EEPD1: variants seen among roughly 807,000 people sequenced by gnomAD.
The protein encoded by EEPD1 is endonuclease/exonuclease/phosphatase family domain containing 1.
EEPD1 carries 17 observed loss-of-function variants against 46.3 expected under a neutral mutation model. The ratio of observed to expected loss-of-function variants is 0.37; its 90% confidence interval spans 0.25 to 0.55. The LOEUF (loss-of-function observed/expected upper bound fraction) is 0.55. Among genes scored for constraint, EEPD1 ranks in the 20% least tolerant of loss-of-function variants. The pLI, the probability that EEPD1 is intolerant of heterozygous loss-of-function variation, is 0.83. For missense variants in EEPD1, 673 were observed against 745.6 expected (o/e 0.90, Z 1.13); for synonymous variants, 313 against 315.6 (o/e 0.99, Z 0.09).
intron 2 of EEPD1, among the ~76,000 whole-genome samples, chr7:36,164,805 T>C (rs1215570076): frequency 6.6e-6 from 1 of 152,204 alleles, no homozygotes; most frequent in African/African-American, 2.4e-5. Flanking sequence ...CCTGATCCCA[T>C]GTAAGCCTAG....
rs1784796719 is a variant in EEPD1 at position 36,154,808 on chromosome 7, G to A, written c.484G>A (p.Val162Met). 6.2e-7 allele frequency: 1 copy of A among 1,614,170 alleles called. No homozygotes were observed. The highest frequency in any genetic ancestry group is 8.5e-7 in the Non-Finnish European group (1 of 1,180,036). The change falls in exon 2 of 8, where the codon GTG becomes ATG. Residue 162 changes from valine to methionine, a missense_variant. By Grantham distance (21) the Val-to-Met change is conservative. Coordinates refer to ENST00000242108, the MANE Select transcript of EEPD1 (RefSeq NM_030636.3). The surrounding 1 kb of genome is among the most constrained non-coding windows in gnomAD (Gnocchi z 4.2). ...CTCGGAGAAAATGGCCCTCAGCATC[G>A]TGGACTTCCGCCGTGAGCATGGGCC... ...GLSEKMALSI[V>M]DFRREHGPFR... is the part of the protein sequence containing the mutation.
intron 3 of EEPD1, among the ~76,000 whole-genome samples, chr7:36,257,908 T>G (rs956651074): frequency 1.3e-5 from 2 of 152,230 alleles, no homozygotes; most frequent in Non-Finnish European, 2.9e-5. Flanking sequence ...AGAGGCATTA[T>G]GGTTTTTTGA....
At chr7:36,220,950 C>T (rs1450527694) in intron 2 of EEPD1, among the ~76,000 whole-genome samples, 1 of 152,100 alleles carries the variant, frequency 6.6e-6, no homozygotes, top group Non-Finnish European at 1.5e-5. Flanking sequence ...TAGGTGCCCA[C>T]CACCACACAC....
chr7:36,155,813 C>T (rs932085142), intron 2 of EEPD1, among the ~76,000 whole-genome samples: 4 of 152,104 alleles, frequency 2.6e-5, no homozygotes, highest in African/African-American at 9.7e-5. Flanking sequence ...AAAAAGCAAG[C>T]TGACGTGTGT....
At chr7:36,257,392 C>G (rs192307676) in intron 3 of EEPD1, among the ~76,000 whole-genome samples, 3 of 152,158 alleles carry the variant, frequency 2.0e-5, no homozygotes, top group Non-Finnish European at 1.5e-5. Context: ...GGGAAGTTCT[C>G]CTGGATAATA....
At chr7:36,222,888 C>T (rs1158570870) in intron 2 of EEPD1, among the ~76,000 whole-genome samples, 1 of 152,310 alleles carries the variant, frequency 6.6e-6, no homozygotes, top group East Asian at 1.9e-4. Flanking sequence ...AGGTGGCTCA[C>T]GCCTGTAATC....
intron 2 of EEPD1, among the ~76,000 whole-genome samples, chr7:36,202,099 G>A (rs542604119): frequency 3.3e-4 from 51 of 152,266 alleles, no homozygotes; most frequent in Admixed American, 8.5e-4. Context: ...TTCTCCACTC[G>A]AGGACTTGTC....
rs937246265 is a variant in EEPD1 at position 36,214,651 on chromosome 7, G to A, written c.879-24334G>A. On this transcript the variant is annotated intron_variant, in intron 2 of 7. Coordinates refer to ENST00000242108, the MANE Select transcript of EEPD1 (RefSeq NM_030636.3). ...GAAAGTCTGGGGCTGGGGCCCAGCC[G>A]TGTGTTTTAGGAACATTCCCGGGTG... is the stretch of plus-strand genomic sequence containing the variant. Among the ~76,000 whole-genome samples the A allele has an allele frequency of 4.6e-5, 7 of 151,062 alleles. No homozygotes were observed. The South Asian group carries it at 6.4e-4, about 14-fold the overall frequency.
intron 3 of EEPD1, among the ~76,000 whole-genome samples, chr7:36,274,622 G>A (rs1016164869): frequency 6.6e-6 from 1 of 152,104 alleles, no homozygotes; most frequent in African/African-American, 2.4e-5. Flanking sequence ...AATGTGTGCC[G>A]TGGTGATTTG....
chr7:36,244,427 T>C (rs1170023713), intron 3 of EEPD1, among the ~76,000 whole-genome samples: 1 of 152,158 alleles, frequency 6.6e-6, no homozygotes, highest in Non-Finnish European at 1.5e-5. Flanking sequence ...TCATAGAAAA[T>C]AAGTGCTTTT....
chr7:36,155,556 A>G (rs140598765), intron 2 of EEPD1, among the ~76,000 whole-genome samples: 1,632 of 152,284 alleles, frequency 0.011, 18 homozygotes, highest in Non-Finnish European at 0.017. Flanking sequence ...GCATGTGAGA[A>G]AGAGCTCATT....
Position 36,258,663 on chromosome 7 carries a change from C to T in EEPD1, c.930+19627C>T, listed in dbSNP as rs546108058. On this transcript the variant is annotated intron_variant, in intron 3 of 7. Coordinates refer to ENST00000242108, the MANE Select transcript of EEPD1 (RefSeq NM_030636.3). ...CTACTCAAGCCTCAGTAATGACGGA[C>T]GCCCCTCCCCCCACCAGCTCCAGCA... Among the ~76,000 whole-genome samples, 32 of 152,208 alleles carry T rather than the reference C, an allele frequency of 2.1e-4. No individual in the cohort carries two copies. The East Asian group carries it at 6.0e-3, about 29-fold the overall frequency.
chr7:36,202,309 C>T (rs1318838142), intron 2 of EEPD1, among the ~76,000 whole-genome samples: 1 of 152,196 alleles, frequency 6.6e-6, no homozygotes, highest in African/African-American at 2.4e-5. Context: ...ATCCTGCTGA[C>T]AGCCTAGAAT....
In EEPD1 at chr7:36,193,325, C is replaced by T. The variant is rs115214734; in HGVS notation, c.878+38123C>T. On this transcript the variant is annotated intron_variant, in intron 2 of 7. Transcript: ENST00000242108. The surrounding 1 kb of genome is among the most constrained non-coding windows in gnomAD (Gnocchi z 4.9). ...TCCCGAGAGGGAGAGTGTGCAGAAG[C>T]CTGGAGCCTGGAGAGGGGAGGAATG... 2.4e-3 allele frequency among the ~76,000 whole-genome samples: 369 copies of T among 152,156 alleles called. 2 individuals are homozygous for T. Among genetic ancestry groups the T allele is most frequent in the African/African-American group, 8.6e-3 (355 of 41,516 alleles).
intron 6 of EEPD1, among the ~76,000 whole-genome samples, chr7:36,289,441 T>C (rs994073723): frequency 2.0e-5 from 3 of 152,240 alleles, no homozygotes; most frequent in Admixed American, 2.0e-4. Context: ...TGTCCTTTTG[T>C]GTCTGGCTTG....
At chr7:36,244,406 CTT>C (rs917321097) in intron 3 of EEPD1, among the ~76,000 whole-genome samples, 1 of 152,210 alleles carries the variant, frequency 6.6e-6, no homozygotes, top group African/African-American at 2.4e-5. Context: ...AAGTAGTAGT[CTT>C]TTAAGGTCTC....
chr7:36,237,046 G>A (rs956185255), intron 2 of EEPD1, among the ~76,000 whole-genome samples: 1 of 152,230 alleles, frequency 6.6e-6, no homozygotes, highest in Non-Finnish European at 1.5e-5. Context: ...AAGGTCTGCA[G>A]TATCATTTCT....
At chr7:36,204,385 A>G (rs1207004389) in intron 2 of EEPD1, among the ~76,000 whole-genome samples, 2 of 151,990 alleles carry the variant, frequency 1.3e-5, no homozygotes, top group Non-Finnish European at 2.9e-5. Flanking sequence ...GGATGAAGGC[A>G]TAATAATTTA....
intron 2 of EEPD1, among the ~76,000 whole-genome samples, chr7:36,197,919 AT>A (rs1442575391): frequency 3.3e-5 from 5 of 152,272 alleles, no homozygotes; most frequent in Admixed American, 6.5e-5. Flanking sequence ...ATAAAAAAAA[AT>A]ATGGAAAATT....
Sources: allele counts gnomAD v4.1 joint callset (sites outside exome capture counted in the v4.1 genomes callset), GRCh38; gene constraint gnomAD v4.1.1; non-coding constraint Gnocchi (gnomAD v3.1); transcripts MANE v1.5; gene names NCBI Gene and HGNC (gene_info 2026-07-23, HGNC 2026-07-21).